Variants in USH2A observed in about 807,000 individuals in gnomAD.
USH2A encodes Usher syndrome 2A (autosomal recessive, mild).
USH2A carries 443 observed loss-of-function variants against 538.9 expected under a neutral mutation model. The ratio of observed to expected loss-of-function variants is 0.82; its 90% CI spans 0.76 to 0.89. The LOEUF is 0.89. Ranked by LOEUF, USH2A falls within the 40% of genes least tolerant of loss-of-function variation. The pLI, the probability that USH2A is intolerant of heterozygous loss-of-function variation, is 0.00. For synonymous variants in USH2A, 2,413 were observed against 2,273.5 expected (o/e 1.06, Z -1.75); for missense variants, 6,633 against 6,324.8 (o/e 1.05, Z -1.65).
At chr1:215,759,168 A>C (rs1046587096) in intron 57 of USH2A, among the ~76,000 whole-genome samples, 1 of 152,154 alleles carries the variant, frequency 6.6e-6, no homozygotes, top group African/African-American at 2.4e-5. Flanking sequence ...CTACAGTAAA[A>C]CATCTGTTGA....
At chr1:215,904,124 A>G (rs1451865909) in intron 38 of USH2A, among the ~76,000 whole-genome samples, 3 of 152,054 alleles carry the variant, frequency 2.0e-5, no homozygotes, top group African/African-American at 7.2e-5. Flanking sequence ...TCTTTTGATT[A>G]TTTTTGTCTA....
Position 216,246,915 on chromosome 1 carries a change from T to G in USH2A, c.2479A>C (p.Asn827His), listed in dbSNP as rs876658114. The G allele has an allele frequency of 1.9e-6, 3 of 1,614,060 alleles. No individual in the cohort carries two copies. The highest frequency in any genetic ancestry group is 1.7e-5 in the Admixed American group (1 of 59,998). The part of the protein sequence containing the change: ...CKPNVEGRQC[N>H]KCLEGNFYLR... Reference sequence around the variant, plus strand: ...TAGAAGTTTCCCTCCAAACATTTATTGCACTGTCTCCCTTCAACATTGGGC... The same window carrying G: ...TAGAAGTTTCCCTCCAAACATTTATGGCACTGTCTCCCTTCAACATTGGGC... Residue 827 changes from asparagine (N) to histidine (H), a missense_variant, in exon 13 of 72, where the codon AAT becomes CAT. Coordinates refer to ENST00000307340, the MANE Select transcript of USH2A (RefSeq NM_206933.4).
chr1:216,285,532 G>A (rs996805905), intron 11 of USH2A, among the ~76,000 whole-genome samples: 2 of 152,234 alleles, frequency 1.3e-5, no homozygotes, highest in African/African-American at 4.8e-5. Context: ...AGTGTGGAAG[G>A]GAAATGTGGG....
At chr1:216,021,399 C>T (rs1668841782) in intron 32 of USH2A, among the ~76,000 whole-genome samples, 1 of 152,148 alleles carries the variant, frequency 6.6e-6, no homozygotes, top group African/African-American at 2.4e-5. Context: ...TTCTCATTCT[C>T]TATTGTCTGC....
intron 50 of USH2A, among the ~76,000 whole-genome samples, chr1:215,794,347 T>C (rs578076404): frequency 1.3e-5 from 2 of 152,280 alleles, no homozygotes; most frequent in East Asian, 1.9e-4. Flanking sequence ...TAAAGAGATG[T>C]TTTACGAGCC....
At chr1:215,924,305 C>A (rs541559028) in intron 38 of USH2A, among the ~76,000 whole-genome samples, 64 of 151,878 alleles carry the variant, frequency 4.2e-4, no homozygotes, top group Non-Finnish European at 8.5e-4. Flanking sequence ...TCTGGGGGGT[C>A]TATATGCCTT....
At chr1:215,680,677 A>C (rs886093184) in intron 61 of USH2A, among the ~76,000 whole-genome samples, 1 of 152,048 alleles carries the variant, frequency 6.6e-6, no homozygotes, top group Non-Finnish European at 1.5e-5. Flanking sequence ...AAAAAAAAAA[A>C]CAAAACATGA....
In USH2A at chr1:215,888,931, C is replaced by T. The variant is rs189748047; in HGVS notation, c.7718G>A (p.Arg2573His). The T allele has an allele frequency of 3.2e-4, 511 of 1,614,088 alleles. No homozygotes were observed. The highest frequency in any genetic ancestry group is 3.9e-4 in the Non-Finnish European group (457 of 1,180,008). Residue 2573 changes from arginine to histidine, a missense_variant, in exon 41 of 72, where the codon CGT becomes CAT. Coordinates refer to ENST00000307340, the MANE Select transcript of USH2A (RefSeq NM_206933.4). Reference sequence around the variant, plus strand: ...ATTTCCAGGAGTTCTCAAGTATAGACGGCCATGTAGATAAATGTTATAATG... The same window carrying T: ...ATTTCCAGGAGTTCTCAAGTATAGATGGCCATGTAGATAAATGTTATAATG... ...ITHYNIYLHG[R>H]LYLRTPGNVT...
chr1:216,257,554 A>G (rs535917700), intron 11 of USH2A, among the ~76,000 whole-genome samples: 2 of 151,660 alleles, frequency 1.3e-5, no homozygotes, highest in Non-Finnish European at 3.0e-5. Context: ...TTTTCTTGAG[A>G]TTCATGGGTT....
intron 9 of USH2A, among the ~76,000 whole-genome samples, chr1:216,294,581 TTACC>T (rs1403996027): frequency 6.6e-6 from 1 of 151,808 alleles, no homozygotes; most frequent in Non-Finnish European, 1.5e-5. Flanking sequence ...TATCTAAGTA[TTACC>T]TTAAGAAAAT....
chr1:215,788,509 T>TA (rs35651431), intron 51 of USH2A, among the ~76,000 whole-genome samples: 90,723 of 150,798 alleles, frequency 0.6, 27,989 homozygotes, highest in African/African-American at 0.76. Context: ...AATTGTAATG[T>TA]AAAAAAAAAA....
intron 71 of USH2A, 116 bp downstream of exon 71, chr1:215,628,698 G>T: frequency 9.5e-7 from 1 of 1,051,394 alleles, no homozygotes; most frequent in Non-Finnish European, 1.5e-6. Flanking sequence ...TACCTCACTG[G>T]CTAAGTGCTC....
At chr1:216,362,224 A>G (rs1028013554) in intron 4 of USH2A, among the ~76,000 whole-genome samples, 1 of 152,206 alleles carries the variant, frequency 6.6e-6, no homozygotes, top group African/African-American at 2.4e-5. Context: ...TAATATTCTT[A>G]ACATAAATGA....
At chr1:215,862,331 G>A (rs888974357) in intron 44 of USH2A, among the ~76,000 whole-genome samples, 4 of 151,790 alleles carry the variant, frequency 2.6e-5, no homozygotes, top group African/African-American at 7.3e-5. Context: ...ACCAAACACC[G>A]CATGTTCTCA....
intron 61 of USH2A, among the ~76,000 whole-genome samples, chr1:215,693,133 TACACACACAC>T (rs1251394517): frequency 1.4e-5 from 2 of 144,926 alleles, no homozygotes; most frequent in Admixed American, 7.0e-5. Context: ...TATATATATA[TACACACACAC>T]ACATATGTAT....
intron 38 of USH2A, among the ~76,000 whole-genome samples, chr1:215,927,151 C>T (rs939788782): frequency 6.6e-6 from 1 of 151,948 alleles, no homozygotes; most frequent in Non-Finnish European, 1.5e-5. Flanking sequence ...TAACAGAAAC[C>T]GTTTTCTATG....
At chr1:216,241,945 G>A (rs955863312) in intron 13 of USH2A, among the ~76,000 whole-genome samples, 1 of 152,112 alleles carries the variant, frequency 6.6e-6, no homozygotes, top group Admixed American at 6.5e-5. Context: ...TGTAGAATGG[G>A]CATCAACACT....
At position 215,640,579 on chromosome 1, in the gene USH2A, T is replaced by G. The variant is rs752709176; in HGVS notation, c.14947A>C (p.Ile4983Leu). ...TAACTTTTGTCCGCCGTTCTCGGTA[T>G]GTAGAGGGTGGTGTCCAAGCCGCTG... is the stretch of plus-strand genomic sequence containing the variant. ...VYSGLDTTLYIPRTADKTFFF... is the reference protein window; with the variant it reads ...VYSGLDTTLYLPRTADKTFFF... Residue 4983 changes from isoleucine to leucine, a missense_variant, in exon 68 of 72, where the codon ATA becomes CTA. By Grantham distance (5) the Ile-to-Leu change is conservative (BLOSUM62 2). Coordinates refer to ENST00000307340, the MANE Select transcript of USH2A (RefSeq NM_206933.4). 1 of 1,613,780 alleles carries G rather than the reference T, an allele frequency of 6.2e-7. No homozygotes were observed. The highest frequency in any genetic ancestry group is 8.5e-7 in the Non-Finnish European group (1 of 1,179,970).
intron 48 of USH2A, among the ~76,000 whole-genome samples, chr1:215,814,234 T>C (rs1257453772): frequency 6.8e-6 from 1 of 147,134 alleles, no homozygotes; most frequent in African/African-American, 2.5e-5. Flanking sequence ...ATAAAAGATA[T>C]AAGATGTATA....
Sources: allele counts gnomAD v4.1 joint callset (sites outside exome capture counted in the v4.1 genomes callset), GRCh38; gene constraint gnomAD v4.1.1; transcripts MANE v1.5; gene names NCBI Gene and HGNC (gene_info 2026-07-23, HGNC 2026-07-21).